SEPTIN9: variants seen among roughly 807,000 people sequenced by gnomAD.
The protein encoded by SEPTIN9 is septin-9.
SEPTIN9 carries 13 observed loss-of-function variants against 56.6 expected under a neutral mutation model. That is an observed-to-expected ratio of 0.23 (90% CI 0.15 to 0.37). SEPTIN9 has a LOEUF of 0.37. Ranked by LOEUF, SEPTIN9 falls within the 10% of genes least tolerant of loss-of-function variation. The pLI, the probability that SEPTIN9 is intolerant of heterozygous loss-of-function variation, is 1.00. For missense variants in SEPTIN9, 650 were observed against 823.1 expected (o/e 0.79, Z 2.57); for synonymous variants, 332 against 334.1 (o/e 0.99, Z 0.07).
chr17:77,288,345 G>A (rs1265183086), intron 1 of SEPTIN9: 1 of 430,366 alleles, frequency 2.3e-6, no homozygotes, highest in East Asian at 8.1e-5. Context: ...CGGAAGCCGA[G>A]GATGTCCCTG....
At chr17:77,374,344 G>A (rs987032924) in intron 2 of SEPTIN9, 22 of 152,532 alleles carry the variant, frequency 1.4e-4, no homozygotes, top group African/African-American at 5.3e-4. Context: ...TCTGGCGTCC[G>A]CGTCTCTGAG....
chr17:77,293,088 C>A (rs1305434212), intron 1 of SEPTIN9, among the ~76,000 whole-genome samples: 2 of 152,080 alleles, frequency 1.3e-5, no homozygotes, highest in Non-Finnish European at 2.9e-5. Flanking sequence ...GTGATCACAG[C>A]TCATGGCAGC....
Position 77,493,013 on chromosome 17 carries a change from C to G in SEPTIN9, c.1510C>G (p.His504Asp). 2 of 1,569,786 alleles carry G rather than the reference C, an allele frequency of 1.3e-6. No individual in the cohort carries two copies. The highest frequency in any genetic ancestry group is 8.6e-7 in the Non-Finnish European group (1 of 1,157,748). The change falls in exon 10 of 12, where the codon CAC becomes GAC. Residue 504 changes from histidine (H) to aspartate (D), a missense_variant. His to Asp is a moderately conservative substitution (Grantham distance 81). Coordinates refer to ENST00000427177, the MANE Select transcript of SEPTIN9 (RefSeq NM_001113491.2). ...MIPFAVVGSD[H>D]EYQVNGKRIL... ...CCCATTTGCTGTGGTGGGCAGTGAC[C>G]ACGAGTACCAGGTCAACGGCAAGAG...
At chr17:77,432,212 A>G (rs1482295726) in intron 3 of SEPTIN9, among the ~76,000 whole-genome samples, 1 of 152,224 alleles carries the variant, frequency 6.6e-6, no homozygotes, top group Non-Finnish European at 1.5e-5. Flanking sequence ...TCCCCTCTGT[A>G]AAATGGGCTA....
At chr17:77,355,976 C>T (rs569978181) in intron 2 of SEPTIN9, among the ~76,000 whole-genome samples, 37 of 44,132 alleles carry the variant, frequency 8.4e-4, no homozygotes, top group African/African-American at 2.6e-3. Flanking sequence ...AGCGAGACTC[C>T]GTCTCAAAAA....
chr17:77,348,296 T>TG (rs1368148465), intron 2 of SEPTIN9, among the ~76,000 whole-genome samples: 4 of 133,100 alleles, frequency 3.0e-5, no homozygotes, highest in Non-Finnish European at 6.2e-5. Context: ...TAATTTATGT[T>TG]TTTTTTTTTT....
At chr17:77,483,762 A>G (rs112882226) in intron 4 of SEPTIN9, 9 of 152,368 alleles carry the variant, frequency 5.9e-5, no homozygotes, top group African/African-American at 1.9e-4. Context: ...AATGGTGCGC[A>G]GGAGGCCACT....
chr17:77,414,740 G>A (rs1199288829), intron 3 of SEPTIN9, among the ~76,000 whole-genome samples: 2 of 151,928 alleles, frequency 1.3e-5, no homozygotes, highest in Non-Finnish European at 2.9e-5. Context: ...ACCATGCCCG[G>A]CTAATTTTTG....
At chr17:77,340,677 C>T (rs1292082298) in intron 2 of SEPTIN9, among the ~76,000 whole-genome samples, 1 of 152,190 alleles carries the variant, frequency 6.6e-6, no homozygotes, top group African/African-American at 2.4e-5. Flanking sequence ...GACTTCTCCC[C>T]TCTAGCTATG....
Position 77,328,985 on chromosome 17 carries a change from G to A in SEPTIN9, c.76+21788G>A, listed in dbSNP as rs1488606415. The stretch of plus-strand genomic sequence containing the variant: ...CCAAAATCCAAGGGAAGAGCAACCT[G>A]GCAAAGGAAACAGCAGGTGTGAAGG... On this transcript the variant is annotated intron_variant, in intron 2 of 11. Coordinates refer to ENST00000427177, the MANE Select transcript of SEPTIN9 (RefSeq NM_001113491.2). Among the ~76,000 whole-genome samples, 5 of 152,304 alleles carry A rather than the reference G, an allele frequency of 3.3e-5. No individual in the cohort carries two copies. In the East Asian group the frequency reaches 9.6e-4, roughly 29 times the overall value.
Position 77,425,045 on chromosome 17 carries a change from G to A in SEPTIN9, c.721+22342G>A, listed in dbSNP as rs1279493206. On this transcript the variant is annotated intron_variant, in intron 3 of 11. Transcript: ENST00000427177. This position sits in a 1 kb window ranked among gnomAD's most constrained non-coding sequence, Gnocchi z 4.2. ...CGAAGTCGAGTGACCACATGTGGAAGTCTAGCGTCCTTCATGCAAAGTGGG... is the reference window on the plus strand; with the variant it reads ...CGAAGTCGAGTGACCACATGTGGAAATCTAGCGTCCTTCATGCAAAGTGGG... 6.6e-6 allele frequency among the ~76,000 whole-genome samples: 1 copy of A among 152,238 alleles called. No homozygotes were observed. Among genetic ancestry groups the A allele is most frequent in the African/African-American group, 2.4e-5 (1 of 41,462 alleles).
chr17:77,330,627 C>A lies in SEPTIN9; in HGVS notation c.76+23430C>A, dbSNP rs1241791890. Among the ~76,000 whole-genome samples the A allele has an allele frequency of 6.6e-6, 1 of 152,228 alleles. No homozygotes were observed. The highest frequency in any genetic ancestry group is 2.4e-5 in the African/African-American group (1 of 41,444). ...CGGGAGTGGGGGCACCTGTGCAGCTCACCCTGCAGAACAGACAATTTGGTT... is the reference window on the plus strand; with the variant it reads ...CGGGAGTGGGGGCACCTGTGCAGCTAACCCTGCAGAACAGACAATTTGGTT... On this transcript the variant is annotated intron_variant, in intron 2 of 11. Coordinates refer to ENST00000427177, the MANE Select transcript of SEPTIN9 (RefSeq NM_001113491.2). This position sits in a 1 kb window ranked among gnomAD's most constrained non-coding sequence, Gnocchi z 4.4.
In SEPTIN9 at chr17:77,456,765, G is replaced by C. The variant is rs1387239382; in HGVS notation, c.722-25379G>C. 6.6e-6 allele frequency among the ~76,000 whole-genome samples: 1 copy of C among 152,012 alleles called. No homozygotes were observed. The highest frequency in any genetic ancestry group is 2.4e-5 in the African/African-American group (1 of 41,372). On this transcript the variant is annotated intron_variant, in intron 3 of 11. Transcript: ENST00000427177. The surrounding 1 kb of genome is among the most constrained non-coding windows in gnomAD (Gnocchi z 6.0). ...ACCAGCACCGGGTACCCACAGCCAGGGACGGGTCCCCATGGCCAGTACCAG... is the reference window on the plus strand; with the variant it reads ...ACCAGCACCGGGTACCCACAGCCAGCGACGGGTCCCCATGGCCAGTACCAG...
intron 2 of SEPTIN9, among the ~76,000 whole-genome samples, 165 bp from the exon 3 acceptor site, chr17:77,401,894 G>C (rs908293179): frequency 1.3e-5 from 2 of 152,074 alleles, no homozygotes; most frequent in Non-Finnish European, 2.9e-5. Flanking sequence ...GTTCTCCTAG[G>C]ATGGGGCTGT....
At chr17:77,348,546 C>T (rs1271674227) in intron 2 of SEPTIN9, among the ~76,000 whole-genome samples, 1 of 152,132 alleles carries the variant, frequency 6.6e-6, no homozygotes, top group Non-Finnish European at 1.5e-5. Flanking sequence ...GCGATCCGCC[C>T]ACCCTGGCCT....
Position 77,475,566 on chromosome 17 carries a change from G to T in SEPTIN9, c.722-6578G>T, listed in dbSNP as rs762713740. The T allele has an allele frequency of 2.5e-6, 4 of 1,613,254 alleles. No homozygotes were observed. The highest frequency in any genetic ancestry group is 3.4e-6 in the Non-Finnish European group (4 of 1,179,772). ...GCCTGCAGGTGGCCGTAGGGCTGCC[G>T]CAGGGGTGCTGGCCCCAGGGTCTGG... On this transcript the variant is annotated intron_variant, in intron 3 of 11. Coordinates refer to ENST00000427177, the MANE Select transcript of SEPTIN9 (RefSeq NM_001113491.2). This position sits in a 1 kb window ranked among gnomAD's most constrained non-coding sequence, Gnocchi z 4.6.
At chr17:77,373,307 G>A (rs2034785871) in intron 2 of SEPTIN9, 3 of 1,161,484 alleles carry the variant, frequency 2.6e-6, no homozygotes, top group Admixed American at 4.7e-5. Context: ...GCAGCGCGCG[G>A]GGAGGGGCCG....
chr17:77,402,270 GGGCCCCAAGGC>G lies in SEPTIN9; in HGVS notation c.293_303del (p.Pro98ArgfsTer8). On this transcript the variant is annotated frameshift_variant, in exon 3 of 12. Transcript: ENST00000427177. LOFTEE classifies it high-confidence loss of function. This position sits in a 1 kb window ranked among gnomAD's most constrained non-coding sequence, Gnocchi z 6.6. ...CGTCCCTGCGGAGGGTGGAGCTCTC[GGGCCCCAAGGC>G]GGCCGAGCCGGTGTCCCGGCGCACT... The G allele has an allele frequency of 6.2e-7, 1 of 1,612,496 alleles. No homozygotes were observed. Among genetic ancestry groups the G allele is most frequent in the Non-Finnish European group, 8.5e-7 (1 of 1,179,800 alleles).
At chr17:77,346,278 C>CTTTTTTTTTTTTTTTTTTTTTTTTTTTT (rs577131369) in intron 2 of SEPTIN9, among the ~76,000 whole-genome samples, 11 of 46,318 alleles carry the variant, frequency 2.4e-4, no homozygotes, top group South Asian at 1.1e-3. Flanking sequence ...ATCCTTAGGT[C>CTTTTTTTTTTTTTTTTTTTTTTTTTTTT]TTTTTTTTTT....
Sources: gnomAD v4.1 joint callset for allele counts (sites outside exome capture counted in the v4.1 genomes callset) on GRCh38, gnomAD v4.1.1 for gene constraint, Gnocchi (gnomAD v3.1) non-coding constraint, MANE v1.5 for transcripts, NCBI Gene and HGNC (gene_info 2026-07-23, HGNC 2026-07-21) for gene names.